The following EPHA3 variants were observed in gnomAD, a reference collection of about 807,000 sequenced individuals.
EPHA3 encodes ephrin type-A receptor 3.
Under a neutral mutation model 107.1 loss-of-function variants are expected in EPHA3, and 42 were observed. The observed-to-expected ratio is 0.39, with a 90% CI of 0.31 to 0.51. EPHA3 has a LOEUF of 0.51. Ranked by LOEUF, EPHA3 falls within the 20% of genes least tolerant of loss-of-function variation. The pLI is 0.78. For missense variants in EPHA3, 1,183 were observed against 1,211.2 expected (o/e 0.98, Z 0.35); for synonymous variants, 461 against 424.8 (o/e 1.09, Z -1.05).
intron 5 of EPHA3, among the ~76,000 whole-genome samples, chr3:89,380,930 G>A (rs1220542594): frequency 2.6e-5 from 4 of 151,882 alleles, no homozygotes; most frequent in Non-Finnish European, 4.4e-5. Context: ...CACCACTCCC[G>A]GCTAATAGTA....
Position 89,480,162 on chromosome 3 carries a change from A to G in EPHA3, c.*660A>G, listed in dbSNP as rs1007138854. Reference sequence around the variant, plus strand: ...ATTTATTTTCTTTTGAATTGTTTTTATTGTTTTCTATTTATGCCTTGATGA... The same window carrying G: ...ATTTATTTTCTTTTGAATTGTTTTTGTTGTTTTCTATTTATGCCTTGATGA... On this transcript the variant is annotated 3_prime_UTR_variant, in exon 17 of 17. Coordinates refer to ENST00000336596, the MANE Select transcript of EPHA3 (RefSeq NM_005233.6). The G allele has an allele frequency of 9.4e-5, 22 of 232,890 alleles. No individual in the cohort carries two copies. Among genetic ancestry groups the G allele is most frequent in the Admixed American group, 5.1e-4 (9 of 17,768 alleles). 14.4% of individuals were successfully genotyped at this position (232,890 alleles called of 1,614,324 possible).
chr3:89,275,049 G>C (rs1371954602), intron 3 of EPHA3, among the ~76,000 whole-genome samples: 1 of 151,994 alleles, frequency 6.6e-6, no homozygotes, highest in Non-Finnish European at 1.5e-5. Flanking sequence ...CTGAAGCTTT[G>C]AGTGGTTGTG....
intron 3 of EPHA3, among the ~76,000 whole-genome samples, chr3:89,284,483 A>T (rs1706030552): frequency 6.6e-6 from 1 of 152,140 alleles, no homozygotes; most frequent in African/African-American, 2.4e-5. Context: ...TTAACTTTAT[A>T]ATTTTCATGT....
chr3:89,108,161 G>C (rs1707018054), intron 1 of EPHA3, among the ~76,000 whole-genome samples: 1 of 152,106 alleles, frequency 6.6e-6, no homozygotes, highest in Non-Finnish European at 1.5e-5. Context: ...AAATAGCCAA[G>C]GCAGTATTTT....
intron 3 of EPHA3, among the ~76,000 whole-genome samples, chr3:89,286,340 T>G (rs972373336): frequency 1.7e-4 from 26 of 151,974 alleles, no homozygotes; most frequent in African/African-American, 6.0e-4. Flanking sequence ...TAATGTTCTG[T>G]GTGAAATCAG....
intron 2 of EPHA3, among the ~76,000 whole-genome samples, chr3:89,207,969 AAT>A (rs1324036534): frequency 1.3e-5 from 2 of 152,190 alleles, no homozygotes; most frequent in Non-Finnish European, 2.9e-5. Context: ...TTTACAAATG[AAT>A]AGGGGATTCA....
intron 1 of EPHA3, among the ~76,000 whole-genome samples, chr3:89,119,407 T>G (rs759778530): frequency 3.9e-5 from 6 of 152,136 alleles, no homozygotes; most frequent in Non-Finnish European, 7.4e-5. Flanking sequence ...GTGCGGAGTT[T>G]GATGCTTTCC....
Position 89,109,093 on chromosome 3 carries a change from C to T in EPHA3, c.88+1257C>T, listed in dbSNP as rs1369504958. Among the ~76,000 whole-genome samples, 5 of 152,046 alleles carry T rather than the reference C, an allele frequency of 3.3e-5. No individual in the cohort carries two copies. The South Asian group carries it at 1.0e-3, about 31-fold the overall frequency. Reference sequence around the variant, plus strand: ...GATACTCGGTGACCTACTTTCACTGCTAATAGAGCAGTAATTTATCTCCTT... The same window carrying T: ...GATACTCGGTGACCTACTTTCACTGTTAATAGAGCAGTAATTTATCTCCTT... On this transcript the variant is annotated intron_variant, in intron 1 of 16. Transcript: ENST00000336596.
At chr3:89,151,024 C>T (rs181729897) in intron 2 of EPHA3, among the ~76,000 whole-genome samples, 32 of 152,074 alleles carry the variant, frequency 2.1e-4, no homozygotes, top group African/African-American at 6.7e-4. Context: ...TTCTTATTTA[C>T]GCTTAACAGT....
chr3:89,200,473 G>A (rs1267466982), intron 2 of EPHA3, among the ~76,000 whole-genome samples: 1 of 152,126 alleles, frequency 6.6e-6, no homozygotes, highest in Non-Finnish European at 1.5e-5. Context: ...ATCTTAAGAA[G>A]TCTTGCCTGG....
chr3:89,208,427 A>G (rs77461868), intron 2 of EPHA3, among the ~76,000 whole-genome samples: 1,603 of 19,958 alleles, frequency 0.08, 62 homozygotes, highest in African/African-American at 0.15. Context: ...AGGAAGGAAG[A>G]AAGAAAGAAA....
intron 1 of EPHA3, among the ~76,000 whole-genome samples, chr3:89,114,005 T>C (rs1339930303): frequency 3.3e-5 from 5 of 152,162 alleles, no homozygotes; most frequent in Admixed American, 6.5e-5. Flanking sequence ...TTCTAAATCA[T>C]GTCCCGCTGT....
intron 3 of EPHA3, among the ~76,000 whole-genome samples, chr3:89,307,967 C>T (rs1034528799): frequency 2.0e-5 from 3 of 152,196 alleles, no homozygotes; most frequent in Non-Finnish European, 2.9e-5. Context: ...TTGTGATTTA[C>T]GATAGCATCT....
At chr3:89,203,637 C>A (rs1354294668) in intron 2 of EPHA3, among the ~76,000 whole-genome samples, 1 of 151,872 alleles carries the variant, frequency 6.6e-6, no homozygotes, top group Admixed American at 6.6e-5. Flanking sequence ...ATCAGCCGGG[C>A]GCAGTGGCGG....
intron 13 of EPHA3, among the ~76,000 whole-genome samples, chr3:89,441,977 GT>G (rs1201451358): frequency 6.6e-6 from 1 of 152,042 alleles, no homozygotes; most frequent in African/African-American, 2.4e-5. Context: ...TAATGTTTAC[GT>G]TTTTGTAGCT....
At chr3:89,295,665 C>T (rs1055451421) in intron 3 of EPHA3, among the ~76,000 whole-genome samples, 11 of 152,108 alleles carry the variant, frequency 7.2e-5, no homozygotes, top group African/African-American at 1.4e-4. Context: ...AATCTCAGCT[C>T]GCTGCAACCT....
chr3:89,364,605 T>C (rs1708154234), intron 5 of EPHA3, among the ~76,000 whole-genome samples: 1 of 151,218 alleles, frequency 6.6e-6, no homozygotes, highest in Admixed American at 6.6e-5. Flanking sequence ...GGATAAACCC[T>C]TGTTAAAAAA....
intron 5 of EPHA3, among the ~76,000 whole-genome samples, chr3:89,390,669 T>G (rs958142998): frequency 2.0e-5 from 3 of 152,044 alleles, no homozygotes; most frequent in African/African-American, 7.2e-5. Context: ...CATTGCATGT[T>G]GCTGATTCAA....
chr3:89,426,314 A>G (rs995221352), intron 11 of EPHA3, among the ~76,000 whole-genome samples: 1 of 151,800 alleles, frequency 6.6e-6, no homozygotes, highest in African/African-American at 2.4e-5. Context: ...CCACTACAGA[A>G]GTCTCTTTTT....
Sources: gnomAD v4.1 joint callset for allele counts (sites outside exome capture counted in the v4.1 genomes callset) on GRCh38, gnomAD v4.1.1 for gene constraint, MANE v1.5 for transcripts, NCBI Gene and HGNC (gene_info 2026-07-23, HGNC 2026-07-21) for gene names.